Variants in PKHD1 observed in about 807,000 individuals in gnomAD.
PKHD1 encodes PKHD1 ciliary IPT domain containing fibrocystin/polyductin.
PKHD1 carries 291 observed loss-of-function variants against 412.0 expected under a neutral mutation model. That is an observed-to-expected ratio of 0.71 (90% CI 0.64 to 0.78). The LOEUF is 0.78. PKHD1 is among the 30% of genes least tolerant of loss of function. The pLI is 0.00. For synonymous variants in PKHD1, 1,777 were observed against 1,821.5 expected (o/e 0.98, Z 0.62); for missense variants, 4,825 against 4,950.7 (o/e 0.97, Z 0.76).
intron 53 of PKHD1, among the ~76,000 whole-genome samples, chr6:51,786,487 C>T (rs76587063): frequency 0.14 from 21,886 of 152,048 alleles, 1,719 homozygotes; most frequent in African/African-American, 0.21. Flanking sequence ...CCAGTGACTA[C>T]CCACTGCCTT....
At chr6:51,795,142 T>C (rs116775097) in intron 52 of PKHD1, among the ~76,000 whole-genome samples, 1,558 of 152,324 alleles carry the variant, frequency 0.01, 11 homozygotes, top group Non-Finnish European at 0.016. Context: ...ATGATACTGA[T>C]TCTTCCTATC....
At chr6:51,997,715 A>G (rs1797866857) in intron 35 of PKHD1, among the ~76,000 whole-genome samples, 1 of 152,226 alleles carries the variant, frequency 6.6e-6, no homozygotes, top group Non-Finnish European at 1.5e-5. Context: ...AGAAAATCCC[A>G]CAGAGGATCT....
intron 64 of PKHD1, among the ~76,000 whole-genome samples, chr6:51,634,430 G>A (rs1325387625): frequency 1.3e-5 from 2 of 152,122 alleles, no homozygotes; most frequent in Non-Finnish European, 2.9e-5. Flanking sequence ...CACAGAGATG[G>A]GGGAATAGAC....
intron 66 of PKHD1, among the ~76,000 whole-genome samples, chr6:51,620,832 A>C (rs1053786236): frequency 6.7e-5 from 10 of 149,222 alleles, no homozygotes; most frequent in African/African-American, 2.5e-4. Context: ...TTTGATTTAG[A>C]GCAGTAAAAA....
In PKHD1 at chr6:52,071,072, T is replaced by A; in HGVS notation, c.603-2A>T. On this transcript the variant is annotated splice_acceptor_variant, in intron 8 of 66. Transcript: ENST00000371117. LOFTEE classifies it high-confidence loss of function. ...CCATGGTCCTCCTGAATAGGATAAC[T>A]AAGGAAAAGACAAACTGAGGTAAGA... The A allele has an allele frequency of 1.3e-6, 2 of 1,591,304 alleles. No homozygotes were observed. Among genetic ancestry groups the A allele is most frequent in the Non-Finnish European group, 1.7e-6 (2 of 1,159,440 alleles).
intron 60 of PKHD1, among the ~76,000 whole-genome samples, chr6:51,705,345 T>G (rs1484434319): frequency 6.6e-6 from 1 of 152,080 alleles, no homozygotes; most frequent in African/African-American, 2.4e-5. Flanking sequence ...CCAGTGCAAT[T>G]TCAGTGAAGT....
At chr6:51,944,265 C>T (rs1341020995) in intron 36 of PKHD1, among the ~76,000 whole-genome samples, 1 of 151,958 alleles carries the variant, frequency 6.6e-6, no homozygotes, top group Non-Finnish European at 1.5e-5. Flanking sequence ...GAGAACAACC[C>T]CCCTTTTTCC....
rs187856699 is a variant in PKHD1 at position 52,010,799 on chromosome 6, G to C, written c.5601-340C>G. On this transcript the variant is annotated intron_variant, in intron 34 of 66. Coordinates refer to ENST00000371117, the MANE Select transcript of PKHD1 (RefSeq NM_138694.4). Reference sequence around the variant, plus strand: ...TCCAGTTCCAAAAAGGGTAACAAACGTCTGGGAGAGTTTTTGTTTTTATTT... The same window carrying C: ...TCCAGTTCCAAAAAGGGTAACAAACCTCTGGGAGAGTTTTTGTTTTTATTT... 2.0e-5 allele frequency among the ~76,000 whole-genome samples: 3 copies of C among 152,290 alleles called. No homozygotes were observed. In the East Asian group the frequency reaches 5.8e-4, roughly 29 times the overall value.
At chr6:51,959,762 A>G (rs567752615) in intron 36 of PKHD1, 108 bp downstream of exon 36, 5 of 1,033,662 alleles carry the variant, frequency 4.8e-6, no homozygotes, top group Non-Finnish European at 7.5e-6. Flanking sequence ...CTGAGGATAA[A>G]TTGTCAACTA....
intron 66 of PKHD1, among the ~76,000 whole-genome samples, chr6:51,624,706 C>T (rs1767031460): frequency 6.6e-6 from 1 of 152,186 alleles, no homozygotes; most frequent in South Asian, 2.1e-4. Context: ...TTGTTCTGTG[C>T]TCTTTACTGA....
At chr6:52,072,027 G>A in intron 8 of PKHD1, 88 bp downstream of exon 8, 2 of 810,896 alleles carry the variant, frequency 2.5e-6, no homozygotes, top group Non-Finnish European at 4.5e-6. Context: ...ATGGTGAGTG[G>A]GGAGAGAAAG....
chr6:51,827,090 T>C (rs1767442604), intron 52 of PKHD1, among the ~76,000 whole-genome samples: 1 of 152,198 alleles, frequency 6.6e-6, no homozygotes, highest in Non-Finnish European at 1.5e-5. Context: ...CCAGTCACTT[T>C]CATTTTGTAA....
chr6:51,683,851 C>T (rs1261411871), intron 60 of PKHD1, among the ~76,000 whole-genome samples: 2 of 142,958 alleles, frequency 1.4e-5, no homozygotes, highest in Non-Finnish European at 3.0e-5. Context: ...AAAAATTAAA[C>T]GAGAGACACA....
intron 14 of PKHD1, among the ~76,000 whole-genome samples, chr6:52,061,042 A>T (rs1169277210): frequency 6.6e-6 from 1 of 152,228 alleles, no homozygotes; most frequent in Non-Finnish European, 1.5e-5. Flanking sequence ...CTTTTGGGGT[A>T]GGCTGACTCA....
At chr6:51,698,082 C>T (rs1387425321) in intron 60 of PKHD1, among the ~76,000 whole-genome samples, 2 of 152,074 alleles carry the variant, frequency 1.3e-5, no homozygotes, top group Non-Finnish European at 2.9e-5. Context: ...TAAGAGTTAT[C>T]AATGATCAAT....
intron 50 of PKHD1, among the ~76,000 whole-genome samples, chr6:51,844,421 C>A (rs1044471694): frequency 6.6e-6 from 1 of 152,176 alleles, no homozygotes. Flanking sequence ...ATATTGTATG[C>A]GTATGATTTT....
Position 52,087,572 on chromosome 6 carries a change from C to T in PKHD1, c.-223G>A, listed in dbSNP as rs886061626. The T allele has an allele frequency of 6.6e-6, 1 of 152,216 alleles. No homozygotes were observed. Among genetic ancestry groups the T allele is most frequent in the African/African-American group, 2.4e-5 (1 of 41,448 alleles). The allele number at this position is 152,216 out of a possible 1,614,324, so 9.4% of individuals were successfully genotyped here. On this transcript the variant is annotated 5_prime_UTR_variant, in exon 1 of 67. Coordinates refer to ENST00000371117, the MANE Select transcript of PKHD1 (RefSeq NM_138694.4). ...CAGCCTGCAGCCACCACGCAGGTAA[C>T]TCACTCACGTTAGACTATAACTCAC...
intron 18 of PKHD1, among the ~76,000 whole-genome samples, chr6:52,056,054 T>C (rs901798638): frequency 1.3e-5 from 2 of 152,180 alleles, no homozygotes; most frequent in African/African-American, 4.8e-5. Context: ...CTGTTCACCA[T>C]GATATGGGCC....
At chr6:51,964,946 T>C (rs1250887737) in intron 35 of PKHD1, among the ~76,000 whole-genome samples, 1 of 151,648 alleles carries the variant, frequency 6.6e-6, no homozygotes. Context: ...GTTTTATACT[T>C]TTTTCTTGTT....
Sources: allele counts gnomAD v4.1 joint callset (sites outside exome capture counted in the v4.1 genomes callset), GRCh38; gene constraint gnomAD v4.1.1; transcripts MANE v1.5; gene names NCBI Gene and HGNC (gene_info 2026-07-23, HGNC 2026-07-21).